KLHL1: variants seen among roughly 807,000 people sequenced by gnomAD.
The protein encoded by KLHL1 is kelch-like protein 1.
In KLHL1, 47 loss-of-function variants were observed where a neutral mutation model predicts 77.7. The ratio of observed to expected loss-of-function variants is 0.60; its 90% CI spans 0.48 to 0.77. The LOEUF (loss-of-function observed/expected upper bound fraction) is 0.77, where lower values mean the gene tolerates loss of function less well. KLHL1 is among the 30% of genes least tolerant of loss of function. The probability of loss-of-function intolerance (pLI) is 0.00; values close to 1 mark genes in which losing one functional copy is unlikely to be tolerated. For missense variants in KLHL1, 925 were observed against 910.8 expected, an observed-to-expected ratio of 1.02 and a Z score of -0.20; for synonymous variants, 360 against 325.2, an observed-to-expected ratio of 1.11 and a Z score of -1.15.
chr13:69,801,029 G>A (rs1369339402), intron 6 of KLHL1, among the ~76,000 whole-genome samples: 1 of 152,162 alleles, frequency 6.6e-6, no homozygotes, highest in Non-Finnish European at 1.5e-5. Context: ...GAATTACTCT[G>A]TGCGTAGAAT....
At chr13:69,954,336 G>A (rs895221596) in intron 3 of KLHL1, among the ~76,000 whole-genome samples, 6 of 151,202 alleles carry the variant, frequency 4.0e-5, no homozygotes, top group Non-Finnish European at 8.9e-5. Flanking sequence ...AGAAAATATA[G>A]TGAACCTTAT....
chr13:69,727,622 A>T (rs1331179544), intron 8 of KLHL1, among the ~76,000 whole-genome samples: 1 of 152,144 alleles, frequency 6.6e-6, no homozygotes, highest in East Asian at 1.9e-4. Context: ...TAGAATGAAG[A>T]ACCTGGAAAT....
chr13:69,954,076 G>T (rs948698254), intron 3 of KLHL1, among the ~76,000 whole-genome samples: 4 of 151,190 alleles, frequency 2.6e-5, no homozygotes, highest in African/African-American at 7.3e-5. Context: ...CTGTAAAATG[G>T]AGAAGCCCAA....
chr13:69,725,032 A>G (rs1418279212), intron 8 of KLHL1, among the ~76,000 whole-genome samples: 1 of 152,134 alleles, frequency 6.6e-6, no homozygotes, highest in Non-Finnish European at 1.5e-5. Flanking sequence ...TTCACATCCA[A>G]GGGATCTCTG....
chr13:69,888,786 A>G (rs1881314210), intron 4 of KLHL1, among the ~76,000 whole-genome samples: 1 of 152,140 alleles, frequency 6.6e-6, no homozygotes, highest in African/African-American at 2.4e-5. Context: ...GGAAACTAAC[A>G]CACATCATTG....
intron 4 of KLHL1, among the ~76,000 whole-genome samples, chr13:69,914,335 T>G (rs1593944210): frequency 6.6e-6 from 1 of 152,204 alleles, no homozygotes. Flanking sequence ...GGTATATAAC[T>G]TAATAATCAT....
intron 3 of KLHL1, among the ~76,000 whole-genome samples, chr13:69,950,107 A>G (rs1167913379): frequency 1.3e-5 from 2 of 151,696 alleles, no homozygotes; most frequent in Non-Finnish European, 3.0e-5. Flanking sequence ...TTGAGTACTA[A>G]TTACATCTCA....
intron 3 of KLHL1, among the ~76,000 whole-genome samples, chr13:69,944,434 T>G (rs1883455338): frequency 6.6e-6 from 1 of 152,216 alleles, no homozygotes; most frequent in Non-Finnish European, 1.5e-5. Context: ...TTGTGTTATG[T>G]ATTATTTTGC....
intron 1 of KLHL1, among the ~76,000 whole-genome samples, chr13:70,080,109 G>A (rs1477642060): frequency 1.3e-5 from 2 of 152,154 alleles, no homozygotes; most frequent in East Asian, 1.9e-4. Flanking sequence ...TAGACAACAT[G>A]CAGCCTAGTG....
chr13:70,009,400 C>A (rs1885478226), intron 1 of KLHL1, among the ~76,000 whole-genome samples: 3 of 152,080 alleles, frequency 2.0e-5, no homozygotes, highest in Admixed American at 2.0e-4. Context: ...GGTTTCTCAA[C>A]AAGAAGAGCA....
chr13:69,943,257 TAAA>T (rs1883418641), intron 3 of KLHL1, among the ~76,000 whole-genome samples: 1 of 151,974 alleles, frequency 6.6e-6, no homozygotes, highest in African/African-American at 2.4e-5. Context: ...TTTTTATAAT[TAAA>T]GAAGAATTTG....
chr13:69,869,593 A>G (rs895155882), intron 5 of KLHL1, among the ~76,000 whole-genome samples: 1 of 152,134 alleles, frequency 6.6e-6, no homozygotes, highest in African/African-American at 2.4e-5. Context: ...TCCAATGGAA[A>G]AGTGTATATC....
intron 1 of KLHL1, among the ~76,000 whole-genome samples, chr13:69,976,477 T>C (rs1201908652): frequency 2.0e-5 from 3 of 152,056 alleles, no homozygotes; most frequent in South Asian, 4.1e-4. Flanking sequence ...ATTAATAATA[T>C]AGACTGTTTC....
chr13:70,035,805 AC>A (rs1287750309), intron 1 of KLHL1, among the ~76,000 whole-genome samples: 3 of 152,038 alleles, frequency 2.0e-5, no homozygotes, highest in Admixed American at 1.3e-4. Flanking sequence ...CAAGCCTGAT[AC>A]AAAATTAAAC....
At chr13:69,858,290 A>G (rs912068566) in intron 5 of KLHL1, among the ~76,000 whole-genome samples, 4 of 152,006 alleles carry the variant, frequency 2.6e-5, no homozygotes, top group Admixed American at 1.3e-4. Context: ...GTTGGGTGAG[A>G]CTCCTTGAGA....
rs73210442 is a variant in KLHL1 at position 69,705,368 on chromosome 13, T to C, written c.2187+2257A>G. ...CAAAAGCACAAAACTGTTAATCGAT[T>C]CCTAATCTATTTCCAACTCAAGCTA... On this transcript the variant is annotated intron_variant, in intron 10 of 10. Transcript: ENST00000377844. Among the ~76,000 whole-genome samples, 1,406 of 151,828 alleles carry C rather than the reference T, an allele frequency of 9.3e-3. 28 individuals carry two copies. The highest frequency in any genetic ancestry group is 9.1e-3 in the Non-Finnish European group (619 of 67,752).
At chr13:69,819,951 C>T (rs1878268424) in intron 6 of KLHL1, among the ~76,000 whole-genome samples, 1 of 152,204 alleles carries the variant, frequency 6.6e-6, no homozygotes, top group Non-Finnish European at 1.5e-5. Context: ...GGGCTCTCTG[C>T]TTGCCAGCTG....
intron 4 of KLHL1, among the ~76,000 whole-genome samples, chr13:69,900,878 A>G (rs374560329): frequency 2.7e-4 from 41 of 152,168 alleles, no homozygotes; most frequent in African/African-American, 9.2e-4. Flanking sequence ...GAAATACATC[A>G]CCTTGCATTT....
chr13:69,969,681 A>AAT (rs1884321848), intron 2 of KLHL1, among the ~76,000 whole-genome samples: 1 of 152,136 alleles, frequency 6.6e-6, no homozygotes, highest in Non-Finnish European at 1.5e-5. Context: ...TAACATACTA[A>AAT]ATACTGCTAA....
Sources: gnomAD v4.1 joint callset for allele counts (sites outside exome capture counted in the v4.1 genomes callset) on GRCh38, gnomAD v4.1.1 for gene constraint, MANE v1.5 for transcripts, NCBI Gene and HGNC (gene_info 2026-07-23, HGNC 2026-07-21) for gene names.